Variants in ZNF148 observed in about 807,000 individuals in gnomAD.
ZNF148 encodes zinc finger protein 148, also known as Beta-Enolase Repressor Factor-1.
A neutral mutation model predicts 67.7 loss-of-function variants in ZNF148; 7 were observed. The ratio of observed to expected loss-of-function variants is 0.10; its 90% CI spans 0.06 to 0.19. ZNF148 has a LOEUF of 0.19. Among genes scored for constraint, ZNF148 ranks in the 10% least tolerant of loss-of-function variants. ZNF148 has a pLI of 1.00. For missense variants in ZNF148, 583 were observed against 947.1 expected (o/e 0.62, Z 5.05); for synonymous variants, 333 against 330.7 (o/e 1.01, Z -0.08).
intron 2 of ZNF148, among the ~76,000 whole-genome samples, chr3:125,329,715 T>A (rs1941200804): frequency 6.6e-6 from 1 of 151,858 alleles, no homozygotes. Flanking sequence ...ACATCATCAT[T>A]TATAATAGCA....
chr3:125,319,229 T>C (rs1299213614), intron 3 of ZNF148, among the ~76,000 whole-genome samples: 1 of 152,246 alleles, frequency 6.6e-6, no homozygotes, highest in Non-Finnish European at 1.5e-5. Flanking sequence ...TAATCAATTA[T>C]GTGTAAGTAA....
chr3:125,306,912 G>A (rs1939907960), intron 4 of ZNF148, among the ~76,000 whole-genome samples: 1 of 152,052 alleles, frequency 6.6e-6, no homozygotes, highest in Non-Finnish European at 1.5e-5. Flanking sequence ...CTCAACTCTA[G>A]ATTAGCTTTA....
chr3:125,266,679 C>T (rs1169195354), intron 7 of ZNF148, among the ~76,000 whole-genome samples: 2 of 151,922 alleles, frequency 1.3e-5, no homozygotes, highest in Non-Finnish European at 2.9e-5. Context: ...AAAACAAGAA[C>T]AAACTAATCC....
intron 4 of ZNF148, among the ~76,000 whole-genome samples, chr3:125,304,287 G>A (rs1939755036): frequency 6.6e-6 from 1 of 152,124 alleles, no homozygotes; most frequent in Non-Finnish European, 1.5e-5. Flanking sequence ...AGCAGCATAA[G>A]GAAGAGTCTA....
At position 125,279,116 on chromosome 3, in the gene ZNF148, A is replaced by G. The variant is rs2107608116; in HGVS notation, c.583+8T>C. 1 of 1,592,182 alleles carries G rather than the reference A, an allele frequency of 6.3e-7. No individual in the cohort carries two copies. The highest frequency in any genetic ancestry group is 2.2e-5 in the East Asian group (1 of 44,514). ...ATGGCCACAAGCCCATTTTAATTCAAGAAATACCTGTATGAATGAAGACAT... is the reference window on the plus strand; with the variant it reads ...ATGGCCACAAGCCCATTTTAATTCAGGAAATACCTGTATGAATGAAGACAT... On this transcript the variant is annotated splice_region_variant and intron_variant, in intron 6 of 8. Coordinates refer to ENST00000360647, the MANE Select transcript of ZNF148 (RefSeq NM_021964.3).
intron 1 of ZNF148, among the ~76,000 whole-genome samples, chr3:125,342,281 A>G: frequency 6.6e-6 from 1 of 152,102 alleles, no homozygotes. Context: ...AAGCAAATAC[A>G]AAGAGGATAA....
At chr3:125,235,634 T>TAAAAA (rs1235798925) in intron 7 of ZNF148, among the ~76,000 whole-genome samples, 1 of 152,144 alleles carries the variant, frequency 6.6e-6, no homozygotes, top group Non-Finnish European at 1.5e-5. Flanking sequence ...AAACTTTTTT[T>TAAAAA]AAATTTCAAA....
intron 3 of ZNF148, among the ~76,000 whole-genome samples, chr3:125,317,662 T>TATATAGAGAGAGAGAGAGAGAGAG (rs752542874): frequency 0.04 from 3,601 of 89,388 alleles, 109 homozygotes; most frequent in Non-Finnish European, 0.049. Flanking sequence ...TATATATATA[T>TATATAGAGAGAGAGAGAGAGAGAG]AGAGAGAGAG....
At chr3:125,311,787 A>T (rs1940229406) in intron 4 of ZNF148, among the ~76,000 whole-genome samples, 1 of 152,210 alleles carries the variant, frequency 6.6e-6, no homozygotes, top group African/African-American at 2.4e-5. Context: ...ACCCCTGGAC[A>T]TTAAAAGGAT....
chr3:125,352,611 C>T (rs1411706990), intron 1 of ZNF148, among the ~76,000 whole-genome samples: 1 of 148,548 alleles, frequency 6.7e-6, no homozygotes. Context: ...CATGGAAGAT[C>T]TAAGTAAACG....
chr3:125,279,041 G>A, intron 6 of ZNF148, 83 bp downstream of exon 6: 1 of 1,379,576 alleles, frequency 7.2e-7, no homozygotes, highest in Non-Finnish European at 9.7e-7. Flanking sequence ...ATGGTCTTAG[G>A]AATGAATGAC....
intron 3 of ZNF148, among the ~76,000 whole-genome samples, chr3:125,317,008 CAGAAGT>C (rs758256757): frequency 2.0e-5 from 3 of 152,100 alleles, no homozygotes; most frequent in Non-Finnish European, 4.4e-5. Flanking sequence ...CACCTTGATA[CAGAAGT>C]AGTAAAGTGA....
At chr3:125,322,856 T>G (rs917946983) in intron 3 of ZNF148, among the ~76,000 whole-genome samples, 1 of 152,208 alleles carries the variant, frequency 6.6e-6, no homozygotes, top group East Asian at 1.9e-4. Flanking sequence ...ACATACAACA[T>G]GTATAGATGT....
intron 7 of ZNF148, among the ~76,000 whole-genome samples, chr3:125,252,876 C>T (rs1936906395): frequency 1.3e-5 from 2 of 151,892 alleles, no homozygotes; most frequent in African/African-American, 4.8e-5. Context: ...AGGTCTGTTT[C>T]TGGAGCAACT....
At chr3:125,346,231 C>G (rs1205655530) in intron 1 of ZNF148, among the ~76,000 whole-genome samples, 2 of 152,134 alleles carry the variant, frequency 1.3e-5, no homozygotes, top group African/African-American at 4.8e-5. Context: ...TTATTTTTGG[C>G]AGATCATCTT....
At chr3:125,332,040 C>T (rs546025290) in intron 1 of ZNF148, among the ~76,000 whole-genome samples, 3 of 152,244 alleles carry the variant, frequency 2.0e-5, no homozygotes, top group Admixed American at 6.5e-5. Context: ...ATACCTTGCA[C>T]ATCAATAAAA....
intron 6 of ZNF148, 111 bp from the exon 7 acceptor site, chr3:125,277,920 A>G (rs1321129861): frequency 7.0e-6 from 5 of 718,950 alleles, no homozygotes; most frequent in Non-Finnish European, 1.1e-5. Context: ...AAAATTACAA[A>G]ATAGCCATAC....
Position 125,226,028 on chromosome 3 carries a change from G to T in ZNF148, c.*6313C>A, listed in dbSNP as rs1396914601. ...TGGATGAAAACAAATCTCCACTAAT[G>T]AAAGAAAAAAGAAAAGAAATCCCAC... On this transcript the variant is annotated 3_prime_UTR_variant, in exon 9 of 9. Transcript: ENST00000360647. The T allele has an allele frequency of 1.3e-5, 2 of 152,484 alleles. No individual in the cohort carries two copies. Among genetic ancestry groups the T allele is most frequent in the Middle Eastern group, 3.4e-3 (1 of 294 alleles). 9.4% of individuals were successfully genotyped at this position (152,484 alleles called of 1,614,324 possible). A position where few individuals can be genotyped will look rare whatever the true frequency, so the allele number is the denominator to read the frequency against.
chr3:125,333,250 C>T (rs1477945981), intron 1 of ZNF148, among the ~76,000 whole-genome samples: 1 of 152,080 alleles, frequency 6.6e-6, no homozygotes, highest in Admixed American at 6.5e-5. Context: ...CAGAATATAA[C>T]TTAGATATGT....
Sources: allele counts gnomAD v4.1 joint callset (sites outside exome capture counted in the v4.1 genomes callset), GRCh38; gene constraint gnomAD v4.1.1; transcripts MANE v1.5; gene names NCBI Gene and HGNC (gene_info 2026-07-23, HGNC 2026-07-21).